The following REDIC1 variants were observed in gnomAD, a reference collection of about 807,000 sequenced individuals.
REDIC1 encodes the protein HEI10 Interacting Protein 1.
the REDIC1 span, among the ~76,000 whole-genome samples, chr12:39,717,155 C>CATATATATGTTAT: frequency 6.7e-6 from 1 of 149,712 alleles, no homozygotes; most frequent in African/African-American, 2.5e-5. Context: ...TATATATATA[C>CATATATATGTTAT]ACACATACAC....
At chr12:39,790,821 T>A in the REDIC1 span, among the ~76,000 whole-genome samples, 2 of 53,386 alleles carry the variant, frequency 3.7e-5, no homozygotes, top group East Asian at 9.5e-4. Context: ...GTTGAACTAG[T>A]TTACAGTCCC....
chr12:39,725,829 TATGAG>T, the REDIC1 span, among the ~76,000 whole-genome samples: 2 of 151,922 alleles, frequency 1.3e-5, no homozygotes, highest in Non-Finnish European at 2.9e-5. Context: ...AACACAACCG[TATGAG>T]ATAATACACA....
At chr12:39,690,440 A>G in the REDIC1 span, among the ~76,000 whole-genome samples, 2 of 152,224 alleles carry the variant, frequency 1.3e-5, no homozygotes, top group South Asian at 4.1e-4. Flanking sequence ...AAGAGTGATG[A>G]TGTCACACTA....
At chr12:39,770,103 C>T in the REDIC1 span, among the ~76,000 whole-genome samples, 1 of 151,960 alleles carries the variant, frequency 6.6e-6, no homozygotes, top group Non-Finnish European at 1.5e-5. Context: ...TTTAAATTGC[C>T]TCTTCCTCTT....
At chr12:39,666,277 G>A in the REDIC1 span, among the ~76,000 whole-genome samples, 2 of 152,104 alleles carry the variant, frequency 1.3e-5, no homozygotes, top group African/African-American at 2.4e-5. Flanking sequence ...TAGCATGAAG[G>A]GTTGTTGAAT....
At chr12:39,808,742 T>C in the REDIC1 span, among the ~76,000 whole-genome samples, 1,808 of 152,284 alleles carry the variant, frequency 0.012, 37 homozygotes, top group African/African-American at 0.04. Context: ...GTGACTTGTC[T>C]GTTCAAATCT....
At chr12:39,889,098 G>T in the REDIC1 span, among the ~76,000 whole-genome samples, 1 of 151,924 alleles carries the variant, frequency 6.6e-6, no homozygotes, top group African/African-American at 2.4e-5. Flanking sequence ...TAAAAGAATT[G>T]CTCTTATTTT....
At chr12:39,856,437 C>T in the REDIC1 span, among the ~76,000 whole-genome samples, 4 of 152,276 alleles carry the variant, frequency 2.6e-5, no homozygotes, top group Middle Eastern at 3.4e-3. Context: ...GGCGTGATCT[C>T]GGCTCACTGT....
the REDIC1 span, among the ~76,000 whole-genome samples, chr12:39,713,253 C>T: frequency 0.82 from 107,467 of 130,588 alleles, 43,789 homozygotes; most frequent in Non-Finnish European, 0.85. Context: ...TGTACACACA[C>T]ATACGTGTAT....
At chr12:39,751,611 A>G in the REDIC1 span, among the ~76,000 whole-genome samples, 1 of 152,224 alleles carries the variant, frequency 6.6e-6, no homozygotes, top group African/African-American at 2.4e-5. Flanking sequence ...ATGTATGTTT[A>G]TTGCGGCACT....
the REDIC1 span, among the ~76,000 whole-genome samples, chr12:39,880,578 G>A: frequency 6.6e-6 from 1 of 152,070 alleles, no homozygotes; most frequent in Non-Finnish European, 1.5e-5. Context: ...CCTGCAGAAA[G>A]TTTACTTATT....
chr12:39,714,059 G>A, the REDIC1 span, among the ~76,000 whole-genome samples: 4,167 of 138,888 alleles, frequency 0.03, 171 homozygotes, highest in Middle Eastern at 0.042. Context: ...GTATATACAC[G>A]TATGTGTATA....
At chr12:39,632,027 A>G in the REDIC1 span, among the ~76,000 whole-genome samples, 4 of 137,954 alleles carry the variant, frequency 2.9e-5, no homozygotes, top group Non-Finnish European at 6.3e-5. Flanking sequence ...ATGTTCCCAT[A>G]TTTACATATA....
At chr12:39,687,149 G>A in the REDIC1 span, among the ~76,000 whole-genome samples, 1 of 151,972 alleles carries the variant, frequency 6.6e-6, no homozygotes, top group East Asian at 1.9e-4. Context: ...CCCTTATCTT[G>A]TGTTCTTCTG....
At chr12:39,700,227 A>G in the REDIC1 span, among the ~76,000 whole-genome samples, 1 of 152,142 alleles carries the variant, frequency 6.6e-6, no homozygotes, top group Admixed American at 6.5e-5. Context: ...AGAATAACCA[A>G]TACAGAGAAG....
At chr12:39,752,236 C>A in the REDIC1 span, among the ~76,000 whole-genome samples, 6 of 152,078 alleles carry the variant, frequency 3.9e-5, no homozygotes, top group Non-Finnish European at 1.5e-5. Context: ...AGGAGGTGAG[C>A]GATGGGCAAG....
At chr12:39,858,984 G>A in the REDIC1 span, among the ~76,000 whole-genome samples, 24 of 152,238 alleles carry the variant, frequency 1.6e-4, no homozygotes, top group South Asian at 1.7e-3. Context: ...TTAATGATGC[G>A]TTTGTTAAAT....
the REDIC1 span, among the ~76,000 whole-genome samples, chr12:39,884,661 A>G: frequency 1.3e-5 from 2 of 152,316 alleles, no homozygotes; most frequent in Admixed American, 1.3e-4. Context: ...TGACCGCCAT[A>G]CATATAACAA....
the REDIC1 span, among the ~76,000 whole-genome samples, chr12:39,629,911 A>T: frequency 6.6e-6 from 1 of 152,046 alleles, no homozygotes; most frequent in Non-Finnish European, 1.5e-5. Context: ...TTTTGATACT[A>T]AAATGCCCCC....
Sources: gnomAD v4.1 joint callset for allele counts (sites outside exome capture counted in the v4.1 genomes callset) on GRCh38, gnomAD v4.1.1 for gene constraint, MANE v1.5 for transcripts, NCBI Gene and HGNC (gene_info 2026-07-23, HGNC 2026-07-21) for gene names.